STIM1: variants seen among roughly 807,000 people sequenced by gnomAD.
STIM1 encodes stromal interaction molecule 1.
STIM1 carries 25 observed loss-of-function variants against 74.7 expected under a neutral mutation model. That is an observed-to-expected ratio of 0.33 (90% CI 0.24 to 0.47). STIM1 has a LOEUF of 0.47. Among genes scored for constraint, STIM1 ranks in the 20% least tolerant of loss-of-function variants. The pLI, the probability that STIM1 is intolerant of heterozygous loss-of-function variation, is 1.00. For synonymous variants in STIM1, 328 were observed against 348.8 expected (o/e 0.94, Z 0.66); for missense variants, 728 against 920.8 (o/e 0.79, Z 2.71).
chr11:3,992,491 G>A (rs1277975306), intron 2 of STIM1, among the ~76,000 whole-genome samples: 1 of 152,066 alleles, frequency 6.6e-6, no homozygotes, highest in Non-Finnish European at 1.5e-5. Flanking sequence ...AGTTGTTAAA[G>A]TTCTTTATAT....
chr11:4,082,852 C>G (rs2094472497), intron 8 of STIM1, 30 bp from the exon 9 acceptor site: 1 of 1,597,844 alleles, frequency 6.3e-7, no homozygotes, highest in Non-Finnish European at 8.6e-7. Flanking sequence ...AATCCCTGCT[C>G]TTTTTGAGCT....
At chr11:3,941,883 T>C (rs1297626488) in intron 1 of STIM1, among the ~76,000 whole-genome samples, 2 of 151,884 alleles carry the variant, frequency 1.3e-5, no homozygotes, top group Admixed American at 1.3e-4. Context: ...GAGGGTCTTA[T>C]GTTGTTGTAC....
At chr11:3,875,663 C>T (rs1383119810) in intron 1 of STIM1, among the ~76,000 whole-genome samples, 1 of 150,814 alleles carries the variant, frequency 6.6e-6, no homozygotes, top group Non-Finnish European at 1.5e-5. Context: ...GAGGCCGAGG[C>T]TAAATTGAGC....
intron 1 of STIM1, among the ~76,000 whole-genome samples, chr11:3,933,099 T>A (rs2092889905): frequency 6.6e-6 from 1 of 152,212 alleles, no homozygotes; most frequent in Admixed American, 6.5e-5. Flanking sequence ...TGAGTACACC[T>A]AAGGTGGTAT....
chr11:3,897,455 G>A (rs907166714), intron 1 of STIM1, among the ~76,000 whole-genome samples: 1 of 152,096 alleles, frequency 6.6e-6, no homozygotes, highest in African/African-American at 2.4e-5. Flanking sequence ...CTGTGGAATA[G>A]CAGTACCTTT....
chr11:4,031,362 A>G (rs1186922130), intron 3 of STIM1, among the ~76,000 whole-genome samples: 1 of 152,210 alleles, frequency 6.6e-6, no homozygotes, highest in Non-Finnish European at 1.5e-5. Context: ...GAACATTCAC[A>G]TGTAAGTCTG....
intron 1 of STIM1, among the ~76,000 whole-genome samples, chr11:3,870,912 C>T (rs896225414): frequency 1.6e-5 from 2 of 128,138 alleles, no homozygotes; most frequent in African/African-American, 3.0e-5. Flanking sequence ...CTTGCTCTGT[C>T]GCCAGGCTGG....
chr11:4,057,378 T>C (rs2094298019), intron 4 of STIM1, among the ~76,000 whole-genome samples: 1 of 152,196 alleles, frequency 6.6e-6, no homozygotes, highest in African/African-American at 2.4e-5. Flanking sequence ...GATGTCAAGC[T>C]GTGGCACCTT....
chr11:4,007,629 G>T (rs1440873897), intron 2 of STIM1, among the ~76,000 whole-genome samples: 1 of 152,142 alleles, frequency 6.6e-6, no homozygotes, highest in African/African-American at 2.4e-5. Flanking sequence ...AGTCACCTTT[G>T]ATCAAGAATC....
chr11:4,043,204 C>G (rs1471197208), intron 3 of STIM1, among the ~76,000 whole-genome samples: 1 of 152,016 alleles, frequency 6.6e-6, no homozygotes, highest in Non-Finnish European at 1.5e-5. Context: ...TCTTTAATAA[C>G]TTTAGTTTTT....
intron 3 of STIM1, among the ~76,000 whole-genome samples, chr11:4,031,512 A>T (rs550584758): frequency 1.3e-5 from 2 of 152,332 alleles, no homozygotes; most frequent in African/African-American, 4.8e-5. Flanking sequence ...CCAGCAGTAT[A>T]TGACATTTTC....
chr11:3,861,167 G>T (rs1160448185), intron 1 of STIM1, among the ~76,000 whole-genome samples: 1 of 146,342 alleles, frequency 6.8e-6, no homozygotes, highest in Non-Finnish European at 1.5e-5. Context: ...TTCATTGTTG[G>T]CTAGCTACCT....
intron 9 of STIM1, 44 bp downstream of exon 9, chr11:4,083,026 C>T: frequency 1.3e-6 from 2 of 1,562,772 alleles, no homozygotes; most frequent in African/African-American, 1.4e-5. Context: ...CCATATCATC[C>T]TCAGAATTTG....
chr11:3,956,032 A>C (rs2093208257), intron 1 of STIM1, among the ~76,000 whole-genome samples: 1 of 152,076 alleles, frequency 6.6e-6, no homozygotes, highest in Non-Finnish European at 1.5e-5. Flanking sequence ...GAAAAAAAAA[A>C]AAAAGCAGGA....
chr11:3,964,620 G>C (rs1268384489), intron 1 of STIM1, among the ~76,000 whole-genome samples: 1 of 152,000 alleles, frequency 6.6e-6, no homozygotes, highest in Non-Finnish European at 1.5e-5. Context: ...CTAGAGCTTG[G>C]TAAACTATTT....
rs11030728 is a variant in STIM1 at position 4,044,230 on chromosome 11, G to A, written c.386-11296G>A. 3.0e-3 allele frequency among the ~76,000 whole-genome samples: 458 copies of A among 152,222 alleles called. 19 individuals are homozygous for A. In the East Asian group the frequency reaches 0.078, roughly 26 times the overall value. On this transcript the variant is annotated intron_variant, in intron 3 of 12. Transcript: ENST00000526596. ...GACATTAGGACATTGACTCTTGCTTGCATGTCCTCCTGGGATTTGGACATA... is the reference window on the plus strand; with the variant it reads ...GACATTAGGACATTGACTCTTGCTTACATGTCCTCCTGGGATTTGGACATA...
chr11:3,873,368 A>C (rs1002646075), intron 1 of STIM1, among the ~76,000 whole-genome samples: 2 of 149,032 alleles, frequency 1.3e-5, no homozygotes, highest in African/African-American at 4.9e-5. Context: ...CAGTGAGCCG[A>C]GATTGCGCCA....
chr11:3,867,808 G>T (rs189734278), intron 1 of STIM1, among the ~76,000 whole-genome samples: 2 of 152,092 alleles, frequency 1.3e-5, no homozygotes, highest in African/African-American at 4.8e-5. Flanking sequence ...GCCTTGTGTT[G>T]ATCTCTGGCC....
intron 5 of STIM1, among the ~76,000 whole-genome samples, chr11:4,061,748 T>C (rs139303989): frequency 2.4e-4 from 37 of 152,348 alleles, no homozygotes; most frequent in African/African-American, 8.4e-4. Flanking sequence ...CCCAACTGTC[T>C]ATTAATAGAT....
Sources: allele counts gnomAD v4.1 joint callset (sites outside exome capture counted in the v4.1 genomes callset), GRCh38; gene constraint gnomAD v4.1.1; transcripts MANE v1.5; gene names NCBI Gene and HGNC (gene_info 2026-07-23, HGNC 2026-07-21).